ERC2: variants seen among roughly 807,000 people sequenced by gnomAD.
ERC2 encodes ERC protein 2.
In ERC2, 42 loss-of-function variants were observed where a neutral mutation model predicts 114.8. The observed-to-expected ratio is 0.37, with a 90% CI of 0.29 to 0.47. The LOEUF is 0.47. Among genes scored for constraint, ERC2 ranks in the 20% least tolerant of loss-of-function variants. The probability of loss-of-function intolerance (pLI) is 0.99; values close to 1 mark genes in which losing one functional copy is unlikely to be tolerated. For synonymous variants in ERC2, 454 were observed against 425.5 expected (o/e 1.07, Z -0.82); for missense variants, 939 against 1,150.7 (o/e 0.82, Z 2.66).
At chr3:56,105,798 A>G (rs1372155814) in intron 6 of ERC2, among the ~76,000 whole-genome samples, 3 of 152,334 alleles carry the variant, frequency 2.0e-5, no homozygotes, top group Admixed American at 6.5e-5. Flanking sequence ...TTCCAGGAAG[A>G]GCCAAGGAGA....
chr3:55,983,467 T>G (rs978727031), intron 12 of ERC2, among the ~76,000 whole-genome samples: 2 of 152,202 alleles, frequency 1.3e-5, no homozygotes, highest in African/African-American at 4.8e-5. Flanking sequence ...GACATGGAGT[T>G]TACTGGAGTG....
chr3:55,809,743 TC>T (rs1296694423), intron 14 of ERC2, among the ~76,000 whole-genome samples: 1 of 151,862 alleles, frequency 6.6e-6, no homozygotes, highest in East Asian at 1.9e-4. Flanking sequence ...CTGGTTGGCA[TC>T]CGTGCCTCAA....
At chr3:56,335,729 G>A (rs1160616474) in intron 2 of ERC2, among the ~76,000 whole-genome samples, 1 of 152,132 alleles carries the variant, frequency 6.6e-6, no homozygotes, top group Non-Finnish European at 1.5e-5. Flanking sequence ...ATTAGAAGGT[G>A]AGTTTAAGTT....
At chr3:55,625,004 C>T (rs905963249) in intron 17 of ERC2, among the ~76,000 whole-genome samples, 25 of 151,930 alleles carry the variant, frequency 1.6e-4, no homozygotes, top group Non-Finnish European at 3.5e-4. Flanking sequence ...ATACCCCATC[C>T]ATTTCCATCT....
At chr3:56,040,089 A>AT (rs896332329) in intron 7 of ERC2, among the ~76,000 whole-genome samples, 15 of 151,656 alleles carry the variant, frequency 9.9e-5, no homozygotes, top group East Asian at 1.9e-4. Flanking sequence ...CTGGCCAATG[A>AT]TTTTTTTTTA....
At chr3:56,299,119 G>GT (rs1162614631) in intron 2 of ERC2, among the ~76,000 whole-genome samples, 138 of 108,116 alleles carry the variant, frequency 1.3e-3, no homozygotes, top group African/African-American at 4.2e-3. Flanking sequence ...TTTTTTTTTT[G>GT]TTTTTTTTTT....
At chr3:56,007,139 A>G in intron 10 of ERC2, 42 bp downstream of exon 10, 1 of 1,508,840 alleles carries the variant, frequency 6.6e-7, no homozygotes, top group Non-Finnish European at 8.9e-7. Context: ...TTATAAATTC[A>G]TTTTTAAATA....
intron 2 of ERC2, among the ~76,000 whole-genome samples, chr3:56,356,241 T>A (rs1419258003): frequency 6.6e-6 from 1 of 152,180 alleles, no homozygotes; most frequent in Non-Finnish European, 1.5e-5. Flanking sequence ...AAATGAAAAA[T>A]CTGACTTCTC....
chr3:55,780,277 G>T (rs1158356686), intron 14 of ERC2, among the ~76,000 whole-genome samples: 2 of 152,114 alleles, frequency 1.3e-5, no homozygotes, highest in African/African-American at 2.4e-5. Context: ...TATTCAGAAA[G>T]TACATAAAAT....
intron 14 of ERC2, among the ~76,000 whole-genome samples, chr3:55,813,870 T>C (rs1444370988): frequency 6.6e-6 from 1 of 152,190 alleles, no homozygotes; most frequent in Non-Finnish European, 1.5e-5. Flanking sequence ...TTGGCTCATT[T>C]AGTCAACCAC....
intron 2 of ERC2, among the ~76,000 whole-genome samples, chr3:56,358,635 G>A (rs1233828763): frequency 6.6e-6 from 1 of 152,216 alleles, no homozygotes; most frequent in Non-Finnish European, 1.5e-5. Context: ...ACTCAGGCTG[G>A]TGGCTTAGGC....
chr3:56,043,972 A>G (rs936851539), intron 7 of ERC2, among the ~76,000 whole-genome samples: 35 of 152,180 alleles, frequency 2.3e-4, no homozygotes, highest in Admixed American at 3.3e-4. Flanking sequence ...TAATCTTGTC[A>G]CTTTCTTGGC....
chr3:56,324,926 T>C (rs2057289979), intron 2 of ERC2, among the ~76,000 whole-genome samples: 1 of 151,780 alleles, frequency 6.6e-6, no homozygotes. Flanking sequence ...CTTTCCCTAG[T>C]TGTTTCCCCT....
At chr3:55,836,583 C>CACCT (rs1205231847) in intron 14 of ERC2, among the ~76,000 whole-genome samples, 1 of 152,164 alleles carries the variant, frequency 6.6e-6, no homozygotes, top group Admixed American at 6.5e-5. Flanking sequence ...CCCTTCCTTA[C>CACCT]ACCTTATACC....
intron 2 of ERC2, among the ~76,000 whole-genome samples, chr3:56,409,768 C>T (rs572658501): frequency 1.3e-5 from 2 of 152,192 alleles, no homozygotes; most frequent in Non-Finnish European, 2.9e-5. Context: ...CCCAGCTATA[C>T]CTTGGTTCCT....
intron 1 of ERC2, 30 bp from the exon 2 acceptor site, chr3:56,435,177 A>T (rs1224635200): frequency 1.7e-6 from 1 of 596,440 alleles, no homozygotes; most frequent in African/African-American, 1.9e-5. Flanking sequence ...ATAATTAAAA[A>T]CAAATTTCTT....
chr3:55,886,537 A>G (rs191070252), intron 14 of ERC2, among the ~76,000 whole-genome samples: 1 of 152,358 alleles, frequency 6.6e-6, no homozygotes, highest in African/African-American at 2.4e-5. Flanking sequence ...ATAAAAATAC[A>G]TAACTTTAGA....
chr3:56,408,890 C>T (rs1192069967), intron 2 of ERC2, among the ~76,000 whole-genome samples: 2 of 152,234 alleles, frequency 1.3e-5, no homozygotes, highest in Non-Finnish European at 2.9e-5. Context: ...CAGCTCTGCA[C>T]GCGCGCCTGA....
chr3:55,717,519 C>G (rs17055852), intron 15 of ERC2, among the ~76,000 whole-genome samples: 5,024 of 152,174 alleles, frequency 0.033, 257 homozygotes, highest in African/African-American at 0.11. Context: ...CCGTAAAGAC[C>G]TTGGTGTTGT....
Sources: gnomAD v4.1 joint callset for allele counts (sites outside exome capture counted in the v4.1 genomes callset) on GRCh38, gnomAD v4.1.1 for gene constraint, MANE v1.5 for transcripts, NCBI Gene and HGNC (gene_info 2026-07-23, HGNC 2026-07-21) for gene names.